The following SHROOM3 variants were observed in gnomAD, a reference collection of about 807,000 sequenced individuals.
The protein encoded by SHROOM3 is protein Shroom3.
A neutral mutation model predicts 138.6 loss-of-function variants in SHROOM3; 47 were observed. That is an observed-to-expected ratio of 0.34 (90% CI 0.27 to 0.43). The LOEUF is 0.43. SHROOM3 is among the 20% of genes least tolerant of loss of function. The probability of loss-of-function intolerance (pLI) is 1.00; values close to 1 mark genes in which losing one functional copy is unlikely to be tolerated. For missense variants in SHROOM3, 2,491 were observed against 2,596.5 expected (o/e 0.96, Z 0.88); for synonymous variants, 1,062 against 1,063.3 (o/e 1.00, Z 0.02).
chr4:76,496,620 C>T (rs932083724), intron 1 of SHROOM3, among the ~76,000 whole-genome samples: 14 of 152,284 alleles, frequency 9.2e-5, no homozygotes, highest in African/African-American at 1.4e-4. Context: ...CTATGTATTT[C>T]GACTTGCTGT....
chr4:76,493,784 G>T (rs1032754274), intron 1 of SHROOM3, among the ~76,000 whole-genome samples: 4 of 152,308 alleles, frequency 2.6e-5, no homozygotes, highest in Middle Eastern at 6.8e-3. Context: ...TTCGAGACCA[G>T]CCTGGCCAAC....
At chr4:76,570,159 AC>A (rs1733806840) in intron 2 of SHROOM3, among the ~76,000 whole-genome samples, 1 of 46,952 alleles carries the variant, frequency 2.1e-5, no homozygotes, top group South Asian at 9.7e-4. Context: ...ATGTTAAAAC[AC>A]ACACACACAC....
At chr4:76,596,278 G>A (rs965787880) in intron 2 of SHROOM3, among the ~76,000 whole-genome samples, 12 of 152,254 alleles carry the variant, frequency 7.9e-5, no homozygotes, top group Admixed American at 3.9e-4. Context: ...CAGGTGTGGT[G>A]GCTTGTGCCT....
At chr4:76,486,813 G>A (rs1224706534) in intron 1 of SHROOM3, among the ~76,000 whole-genome samples, 2 of 152,066 alleles carry the variant, frequency 1.3e-5, no homozygotes, top group African/African-American at 2.4e-5. Context: ...AAGGACAAAG[G>A]TCTACTGTGT....
At chr4:76,577,025 A>G (rs550659662) in intron 2 of SHROOM3, among the ~76,000 whole-genome samples, 2 of 152,332 alleles carry the variant, frequency 1.3e-5, no homozygotes, top group East Asian at 3.9e-4. Context: ...GTTAGGGTTC[A>G]GAACTGAATA....
intron 2 of SHROOM3, among the ~76,000 whole-genome samples, chr4:76,709,010 G>A (rs946911114): frequency 1.3e-5 from 2 of 152,210 alleles, no homozygotes; most frequent in African/African-American, 2.4e-5. Flanking sequence ...GAAAACTTGA[G>A]CTTAGAAATG....
At chr4:76,497,043 T>C (rs916699332) in intron 1 of SHROOM3, among the ~76,000 whole-genome samples, 1 of 152,240 alleles carries the variant, frequency 6.6e-6, no homozygotes, top group African/African-American at 2.4e-5. Context: ...AATAAATATT[T>C]GTAGAACAAA....
intron 1 of SHROOM3, among the ~76,000 whole-genome samples, chr4:76,473,860 G>T (rs950266893): frequency 3.3e-5 from 5 of 152,198 alleles, no homozygotes; most frequent in African/African-American, 1.2e-4. Context: ...CTCACACATT[G>T]CTGGTGTGAA....
chr4:76,462,943 C>A (rs377139394), intron 1 of SHROOM3, among the ~76,000 whole-genome samples: 2 of 152,152 alleles, frequency 1.3e-5, no homozygotes, highest in East Asian at 1.9e-4. Context: ...TATAGCAGTG[C>A]GAGAATGGAC....
chr4:76,638,865 G>A (rs578212209), intron 2 of SHROOM3: 13 of 152,170 alleles, frequency 8.5e-5, no homozygotes, highest in African/African-American at 2.4e-4. Flanking sequence ...AGTGCTATGC[G>A]GATCAGATCA....
intron 1 of SHROOM3, among the ~76,000 whole-genome samples, chr4:76,494,612 G>A (rs923403914): frequency 6.6e-6 from 1 of 152,234 alleles, no homozygotes; most frequent in Non-Finnish European, 1.5e-5. Context: ...TGACACATGT[G>A]TGGCACAAGA....
intron 3 of SHROOM3, among the ~76,000 whole-genome samples, chr4:76,712,657 G>A (rs1177592439): frequency 3.9e-5 from 6 of 152,182 alleles, no homozygotes; most frequent in Admixed American, 3.9e-4. Context: ...GCTAGATGGT[G>A]CAGACATCAC....
chr4:76,502,518 T>C (rs895339826), intron 1 of SHROOM3, among the ~76,000 whole-genome samples: 1 of 152,106 alleles, frequency 6.6e-6, no homozygotes, highest in Admixed American at 6.5e-5. Flanking sequence ...CAGAATTCAA[T>C]TGAATTAGAG....
chr4:76,755,283 C>A (rs535440198), intron 7 of SHROOM3, 91 bp downstream of exon 7: 2 of 1,442,866 alleles, frequency 1.4e-6, no homozygotes, highest in African/African-American at 1.4e-5. Context: ...ACAGAAGAAC[C>A]CTGGCATGGA....
chr4:76,775,959 A>T (rs907533551), intron 10 of SHROOM3, among the ~76,000 whole-genome samples: 3 of 151,826 alleles, frequency 2.0e-5, no homozygotes, highest in Admixed American at 1.3e-4. Flanking sequence ...TTTCTTTTCC[A>T]TATAATTACT....
intron 2 of SHROOM3, among the ~76,000 whole-genome samples, chr4:76,562,851 A>G (rs1733628031): frequency 6.6e-6 from 1 of 152,244 alleles, no homozygotes; most frequent in African/African-American, 2.4e-5. Flanking sequence ...TTTTTAAGGC[A>G]ATAAAGTTGA....
chr4:76,697,317 G>A (rs909559873), intron 2 of SHROOM3, among the ~76,000 whole-genome samples: 23 of 152,210 alleles, frequency 1.5e-4, no homozygotes, highest in African/African-American at 4.8e-4. Flanking sequence ...CCCCAGAGTT[G>A]AGGCAGGACT....
At chr4:76,672,806 C>T (rs191003849) in intron 2 of SHROOM3, among the ~76,000 whole-genome samples, 2 of 152,252 alleles carry the variant, frequency 1.3e-5, no homozygotes, top group South Asian at 2.1e-4. Flanking sequence ...CTCCTGACCT[C>T]GTGATCCGCC....
rs1166896258 is a variant in SHROOM3, at chr4:76,565,160, C to CAAAAAAA, written c.323+9413_323+9419dup. 2.1e-3 allele frequency among the ~76,000 whole-genome samples: 284 copies of CAAAAAAA among 135,822 alleles called. 2 individuals are homozygous for CAAAAAAA. Among genetic ancestry groups the CAAAAAAA allele is most frequent in the African/African-American group, 7.6e-3 (275 of 35,966 alleles). 89.1% of individuals were successfully genotyped at this position (135,822 alleles called of 152,430 possible). On this transcript the variant is annotated intron_variant, in intron 2 of 10. Transcript: ENST00000296043. The stretch of plus-strand genomic sequence containing the variant: ...TGGGTGACAGGGCGAGACTCCATTT[C>CAAAAAAA]AAAAAAAAAAAAAAAAAAAAAAGAA...
Sources: gnomAD v4.1 joint callset for allele counts (sites outside exome capture counted in the v4.1 genomes callset) on GRCh38, gnomAD v4.1.1 for gene constraint, MANE v1.5 for transcripts, NCBI Gene and HGNC (gene_info 2026-07-23, HGNC 2026-07-21) for gene names.